DCAF8L2: variants seen among roughly 807,000 people sequenced by gnomAD.
The protein encoded by DCAF8L2 is DDB1 and CUL4 associated factor 8 like 2, also known as DDB1- and CUL4-associated factor 8-like protein 2.
For missense variants in DCAF8L2, 430 were observed against 490.7 expected, an observed-to-expected ratio of 0.88 and a Z score of 1.17; for synonymous variants, 200 against 190.9, an observed-to-expected ratio of 1.05 and a Z score of -0.39.
the DCAF8L2 span, among the ~76,000 whole-genome samples, chrX:27,548,460 T>C: frequency 3.6e-5 from 4 of 111,831 alleles, no homozygotes; most frequent in East Asian, 2.8e-4. Flanking sequence ...GAAATAGCTA[T>C]ACTATTGTCA....
At chrX:27,571,972 G>A in the DCAF8L2 span, among the ~76,000 whole-genome samples, 2 of 111,678 alleles carry the variant, frequency 1.8e-5, no homozygotes, top group Non-Finnish European at 3.8e-5. Flanking sequence ...GCTATGTAGA[G>A]GAGAAAAATT....
At chrX:27,629,154 C>T (rs1444579336) in intron 1 of DCAF8L2, among the ~76,000 whole-genome samples, 1 of 111,313 alleles carries the variant, frequency 9.0e-6, no homozygotes, top group African/African-American at 3.3e-5. Context: ...CAAATTTTTT[C>T]CCATTCTGTA....
At chrX:27,587,983 A>AT (rs1364508107), upstream of DCAF8L2, among the ~76,000 whole-genome samples, 6 of 25,118 alleles carry the variant, frequency 2.4e-4, no homozygotes, top group African/African-American at 7.2e-4. Context: ...ATTAAAAAAA[A>AT]AAATATATAT....
chrX:27,520,195 TAAAAGAGACAAC>T, the DCAF8L2 span, among the ~76,000 whole-genome samples: 1 of 111,952 alleles, frequency 8.9e-6, no homozygotes, highest in South Asian at 3.7e-4. Flanking sequence ...TAATATTTTT[TAAAAGAGACAAC>T]TTGATTTCAA....
At chrX:27,505,145 A>G in the DCAF8L2 span, among the ~76,000 whole-genome samples, 14 of 111,737 alleles carry the variant, frequency 1.3e-4, no homozygotes, top group Non-Finnish European at 2.1e-4. Flanking sequence ...AAGCAGGCTA[A>G]GTACCTTATA....
At chrX:27,523,631 T>G in the DCAF8L2 span, among the ~76,000 whole-genome samples, 1 of 110,618 alleles carries the variant, frequency 9.0e-6, no homozygotes, top group African/African-American at 3.3e-5. Flanking sequence ...GAATTTTTTT[T>G]TTGTACTTTA....
At chrX:27,577,049 A>T in the DCAF8L2 span, among the ~76,000 whole-genome samples, 1 of 111,963 alleles carries the variant, frequency 8.9e-6, no homozygotes, top group Non-Finnish European at 1.9e-5. Context: ...AGTGTTGATC[A>T]GACGTAGGGA....
intron 3 of DCAF8L2, among the ~76,000 whole-genome samples, chrX:27,702,478 T>C (rs1931167358): frequency 9.1e-6 from 1 of 109,364 alleles, no homozygotes; most frequent in African/African-American, 3.3e-5. Flanking sequence ...CAACTGAATA[T>C]AGAGCATAAA....
intron 1 of DCAF8L2, among the ~76,000 whole-genome samples, chrX:27,619,019 C>CTATT (rs1927617878): frequency 9.2e-6 from 1 of 108,255 alleles, no homozygotes; most frequent in Non-Finnish European, 1.9e-5. Context: ...ATCTATCTAT[C>CTATT]TATCTATCTA....
the DCAF8L2 span, chrX:27,519,745 G>T: frequency 4.3e-5 from 24 of 559,536 alleles, no homozygotes. Context: ...TTCAGAATTA[G>T]CCCAAGCCAG....
intron 1 of DCAF8L2, among the ~76,000 whole-genome samples, chrX:27,593,508 T>C (rs1037767900): frequency 9.0e-6 from 1 of 111,346 alleles, no homozygotes; most frequent in Non-Finnish European, 1.9e-5. Flanking sequence ...TGTTGTGGAG[T>C]GTGCTGGTTT....
the DCAF8L2 span, among the ~76,000 whole-genome samples, chrX:27,580,170 T>C: frequency 9.0e-6 from 1 of 110,960 alleles, no homozygotes; most frequent in Non-Finnish European, 1.9e-5. Context: ...AAGTGAGGTG[T>C]ATTAATTATG....
chrX:27,584,735 G>A, the DCAF8L2 span, among the ~76,000 whole-genome samples: 41 of 111,638 alleles, frequency 3.7e-4, no homozygotes, highest in African/African-American at 1.1e-3. Flanking sequence ...ACCCACACAT[G>A]TCCAATATGC....
chrX:27,616,998 T>C (rs890566592), intron 1 of DCAF8L2, among the ~76,000 whole-genome samples: 1 of 111,179 alleles, frequency 9.0e-6, no homozygotes, highest in African/African-American at 3.3e-5. Flanking sequence ...CCTACTGAGG[T>C]TTCAAGCTAG....
In DCAF8L2 at chrX:27,678,470, G is replaced by T. The variant is rs937979273; in HGVS notation, c.-143+558G>T. Among the ~76,000 whole-genome samples, 5 of 111,957 alleles carry T rather than the reference G, an allele frequency of 4.5e-5. No homozygotes were observed. The Admixed American group carries it at 4.8e-4, about 11-fold the overall frequency. On this transcript the variant is annotated intron_variant, in intron 3 of 4. Coordinates refer to ENST00000451261, the MANE Select transcript of DCAF8L2 (RefSeq NM_001353450.2). ...CAGATAAATGGATAAACAAAATGTG[G>T]TATATATAGAATCGAATATTATCCA...
chrX:27,683,686 C>G (rs779831112), intron 3 of DCAF8L2, among the ~76,000 whole-genome samples: 1 of 112,301 alleles, frequency 8.9e-6, no homozygotes, highest in South Asian at 3.7e-4. Flanking sequence ...TCTGGGACAT[C>G]TGGGAGTTGA....
chrX:27,557,184 T>C, the DCAF8L2 span, among the ~76,000 whole-genome samples: 2,843 of 112,149 alleles, frequency 0.025, 47 homozygotes, highest in Non-Finnish European at 0.037. Context: ...GTAAATTCTT[T>C]TGTGCCAAAA....
At chrX:27,489,599 A>G in the DCAF8L2 span, among the ~76,000 whole-genome samples, 55 of 112,540 alleles carry the variant, frequency 4.9e-4, no homozygotes, top group Non-Finnish European at 9.2e-4. Context: ...ATTTGATGCT[A>G]TGAATAATGC....
the DCAF8L2 span, among the ~76,000 whole-genome samples, chrX:27,568,493 A>G: frequency 1.7e-4 from 19 of 111,696 alleles, 1 homozygote; most frequent in South Asian, 1.9e-3. Context: ...TAATGATACT[A>G]CAAATCTATT....
Sources: allele counts gnomAD v4.1 joint callset (sites outside exome capture counted in the v4.1 genomes callset), GRCh38; gene constraint gnomAD v4.1.1; transcripts MANE v1.5; gene names NCBI Gene and HGNC (gene_info 2026-07-23, HGNC 2026-07-21).